The following SORCS1 variants were observed in gnomAD, a reference collection of about 807,000 sequenced individuals.
SORCS1 encodes the protein sortilin related VPS10 domain containing receptor 1.
A neutral mutation model predicts 146.1 loss-of-function variants in SORCS1; 60 were observed. The observed-to-expected ratio is 0.41, with a 90% CI of 0.33 to 0.51. The LOEUF (loss-of-function observed/expected upper bound fraction) is 0.51. Among genes scored for constraint, SORCS1 ranks in the 20% least tolerant of loss-of-function variants. SORCS1 has a pLI of 0.21. For missense variants in SORCS1, 1,352 were observed against 1,487.6 expected (o/e 0.91, Z 1.50); for synonymous variants, 637 against 584.0 (o/e 1.09, Z -1.31).
At chr10:106,791,698 GACAAAA>G (rs1306075546) in intron 3 of SORCS1, among the ~76,000 whole-genome samples, 1 of 151,774 alleles carries the variant, frequency 6.6e-6, no homozygotes, top group Non-Finnish European at 1.5e-5. Context: ...ACATTATTTC[GACAAAA>G]ACAAAAAAAG....
chr10:106,807,290 C>CA (rs1947237164), intron 3 of SORCS1, among the ~76,000 whole-genome samples: 1 of 152,168 alleles, frequency 6.6e-6, no homozygotes, highest in South Asian at 2.1e-4. Context: ...TGTGTGTAGA[C>CA]AGAGACCACA....
chr10:106,687,607 G>T (rs1270294160), intron 10 of SORCS1, among the ~76,000 whole-genome samples: 1 of 152,106 alleles, frequency 6.6e-6, no homozygotes, highest in Admixed American at 6.5e-5. Flanking sequence ...AAAAACAAGT[G>T]GTGGGCCATA....
At chr10:107,094,669 TA>T (rs1323309738) in intron 1 of SORCS1, among the ~76,000 whole-genome samples, 3 of 152,354 alleles carry the variant, frequency 2.0e-5, no homozygotes, top group South Asian at 4.1e-4. Flanking sequence ...AGAATTTTTT[TA>T]AAAAAGGCTC....
chr10:107,019,766 C>T (rs909807003), intron 1 of SORCS1, among the ~76,000 whole-genome samples: 2 of 152,214 alleles, frequency 1.3e-5, no homozygotes, highest in South Asian at 2.1e-4. Flanking sequence ...ACGTGCACTT[C>T]GTGAGGTGTG....
chr10:107,059,597 T>C (rs1960983167), intron 1 of SORCS1, among the ~76,000 whole-genome samples: 1 of 152,186 alleles, frequency 6.6e-6, no homozygotes, highest in Admixed American at 6.5e-5. Context: ...ACTGAAACGC[T>C]GTGGATGTCA....
intron 5 of SORCS1, among the ~76,000 whole-genome samples, chr10:106,734,975 G>A (rs11193031): frequency 0.43 from 65,602 of 151,472 alleles, 14,232 homozygotes; most frequent in South Asian, 0.46. Context: ...GCAAAACCCC[G>A]TCTCTACTAA....
intron 3 of SORCS1, among the ~76,000 whole-genome samples, chr10:106,778,573 G>T (rs1426722852): frequency 9.2e-5 from 14 of 152,144 alleles, no homozygotes; most frequent in Admixed American, 9.2e-4. Context: ...ATTTCCAAGT[G>T]AGTTCATATT....
chr10:106,707,512 A>T (rs1362238590), intron 7 of SORCS1, among the ~76,000 whole-genome samples: 1 of 151,898 alleles, frequency 6.6e-6, no homozygotes, highest in African/African-American at 2.4e-5. Flanking sequence ...TTTTGAAAAA[A>T]TTTTTAAAGC....
At chr10:107,177,534 A>G in the SORCS1 span, among the ~76,000 whole-genome samples, 3 of 152,208 alleles carry the variant, frequency 2.0e-5, no homozygotes, top group East Asian at 5.8e-4. Flanking sequence ...TCTGTTGCAC[A>G]ATGTGGTCAT....
At chr10:106,814,736 A>C (rs1020947352) in intron 3 of SORCS1, among the ~76,000 whole-genome samples, 2 of 151,812 alleles carry the variant, frequency 1.3e-5, no homozygotes, top group African/African-American at 4.8e-5. Flanking sequence ...AACGTGGTGA[A>C]ACCGCGTCTC....
At chr10:107,010,057 G>C (rs1368367012) in intron 1 of SORCS1, among the ~76,000 whole-genome samples, 2 of 152,078 alleles carry the variant, frequency 1.3e-5, no homozygotes, top group African/African-American at 2.4e-5. Context: ...TCTCAGTTCT[G>C]AAAAAAGAAT....
In SORCS1 at chr10:107,024,542, G is replaced by A. The variant is rs114874692; in HGVS notation, c.559-67962C>T. Among the ~76,000 whole-genome samples, 1,128 of 152,264 alleles carry A rather than the reference G, an allele frequency of 7.4e-3. 12 individuals carry two copies. Among genetic ancestry groups the A allele is most frequent in the African/African-American group, 0.026 (1,061 of 41,554 alleles). The stretch of plus-strand genomic sequence containing the variant: ...CAAACTGCGGCACTGGAATTTGGTA[G>A]AAATACAGAATTCCATGCCAACTCT... On this transcript the variant is annotated intron_variant, in intron 1 of 25. Coordinates refer to ENST00000263054, the MANE Select transcript of SORCS1 (RefSeq NM_052918.5).
At chr10:106,636,128 C>T (rs1371801427) in intron 18 of SORCS1, among the ~76,000 whole-genome samples, 4 of 152,056 alleles carry the variant, frequency 2.6e-5, no homozygotes, top group African/African-American at 9.7e-5. Flanking sequence ...GGTGCAGTGG[C>T]TCATGACTAT....
At chr10:107,090,079 A>G (rs1590111988) in intron 1 of SORCS1, among the ~76,000 whole-genome samples, 1 of 152,340 alleles carries the variant, frequency 6.6e-6, no homozygotes, top group East Asian at 1.9e-4. Context: ...AAGAAGGTGG[A>G]GAGCCTGATG....
Position 106,637,074 on chromosome 10 carries a change from G to A in SORCS1, c.2476-7686C>T, listed in dbSNP as rs557064624. On this transcript the variant is annotated intron_variant, in intron 18 of 25. Coordinates refer to ENST00000263054, the MANE Select transcript of SORCS1 (RefSeq NM_052918.5). ...AATGGGTTTGTGAGGATTCCTGGTAGTGTGAGTGTTTGACAAAGTCTGAGA... is the reference window on the plus strand; with the variant it reads ...AATGGGTTTGTGAGGATTCCTGGTAATGTGAGTGTTTGACAAAGTCTGAGA... Among the ~76,000 whole-genome samples the A allele has an allele frequency of 3.9e-5, 6 of 152,328 alleles. No individual in the cohort carries two copies. In the East Asian group the frequency reaches 9.7e-4, roughly 25 times the overall value.
chr10:107,074,357 T>G (rs553183658), intron 1 of SORCS1, among the ~76,000 whole-genome samples: 2 of 152,328 alleles, frequency 1.3e-5, no homozygotes, highest in East Asian at 3.9e-4. Flanking sequence ...ACTCCATGTC[T>G]CTTCATGACT....
At chr10:107,046,087 C>T (rs1959387823) in intron 1 of SORCS1, among the ~76,000 whole-genome samples, 1 of 152,058 alleles carries the variant, frequency 6.6e-6, no homozygotes, top group Non-Finnish European at 1.5e-5. Context: ...GCTGGGACTA[C>T]AGGCACGTGC....
chr10:106,929,773 GCACACACACACACA>G (rs36086801), intron 2 of SORCS1, among the ~76,000 whole-genome samples: 1 of 150,278 alleles, frequency 6.7e-6, no homozygotes, highest in East Asian at 1.9e-4. Context: ...ATGTGCACGT[GCACACACACACACA>G]CACACACACA....
rs147349863 is a variant in SORCS1, at chr10:106,686,068, C to T, written c.1560+2124G>A. On this transcript the variant is annotated intron_variant, in intron 10 of 25. Coordinates refer to ENST00000263054, the MANE Select transcript of SORCS1 (RefSeq NM_052918.5). ...ATTCATTGAACTATACTCTTAAAAT[C>T]GGTATGTAAGTATATTTTACCTCAA... is the stretch of plus-strand genomic sequence containing the variant. Among the ~76,000 whole-genome samples the T allele has an allele frequency of 2.5e-4, 38 of 152,124 alleles. No homozygotes were observed. In the East Asian group the frequency reaches 6.6e-3, roughly 26 times the overall value.
Sources: allele counts gnomAD v4.1 joint callset (sites outside exome capture counted in the v4.1 genomes callset), GRCh38; gene constraint gnomAD v4.1.1; transcripts MANE v1.5; gene names NCBI Gene and HGNC (gene_info 2026-07-23, HGNC 2026-07-21).